HBS1L: variants seen among roughly 807,000 people sequenced by gnomAD.
HBS1L encodes HBS1-like protein.
A neutral mutation model predicts 88.9 loss-of-function variants in HBS1L; 55 were observed. The ratio of observed to expected loss-of-function variants is 0.62; its 90% CI spans 0.50 to 0.77. The LOEUF (loss-of-function observed/expected upper bound fraction) is 0.77. Ranked by LOEUF, HBS1L falls within the 30% of genes least tolerant of loss-of-function variation. HBS1L has a pLI of 0.00. For synonymous variants in HBS1L, 267 were observed against 288.5 expected, an observed-to-expected ratio of 0.93 and a Z score of 0.76; for missense variants, 741 against 829.3, an observed-to-expected ratio of 0.89 and a Z score of 1.31.
In HBS1L at chr6:135,050,604, ATCATCC is replaced by A; in HGVS notation, c.81_86del (p.Glu27_Asp28del). The A allele has an allele frequency of 6.3e-7, 1 of 1,596,224 alleles. No homozygotes were observed. Among genetic ancestry groups the A allele is most frequent in the East Asian group, 2.2e-5 (1 of 44,684 alleles). ...CACCTGTTGACGGCGAAATACAATAATCATCCTCTACAGACTGGCCGTAGAGATCAT... is the reference window on the plus strand; with the variant it reads ...CACCTGTTGACGGCGAAATACAATAATCTACAGACTGGCCGTAGAGATCAT... On this transcript the variant is annotated inframe_deletion, in exon 2 of 18. Coordinates refer to ENST00000367837, the MANE Select transcript of HBS1L (RefSeq NM_006620.4).
chr6:135,041,656 C>T (rs966284151), intron 3 of HBS1L, among the ~76,000 whole-genome samples: 1 of 152,038 alleles, frequency 6.6e-6, no homozygotes, highest in African/African-American at 2.4e-5. Context: ...TTTATGTATT[C>T]TAATCATAAG....
At chr6:135,047,695 C>G (rs1010016907) in intron 2 of HBS1L, among the ~76,000 whole-genome samples, 4 of 152,188 alleles carry the variant, frequency 2.6e-5, no homozygotes, top group Admixed American at 1.3e-4. Context: ...CACCCATATA[C>G]CACCTTTAAT....
At position 134,965,163 on chromosome 6, in the gene HBS1L, T is replaced by C. The variant is rs938712926; in HGVS notation, c.*116A>G. On this transcript the variant is annotated 3_prime_UTR_variant, in exon 18 of 18. Transcript: ENST00000367837. ...CAGCTAATTTTAGCTTTAATTTTTC[T>C]CTCTCATCTAAAAACATATCAATTG... The C allele has an allele frequency of 7.2e-5, 63 of 872,818 alleles. No individual in the cohort carries two copies. The highest frequency in any genetic ancestry group is 2.2e-4 in the Middle Eastern group (1 of 4,496). The allele number at this position is 872,818 out of a possible 1,614,324, so 54.1% of individuals were successfully genotyped here.
At chr6:134,975,483 C>T (rs1206651527) in intron 15 of HBS1L, among the ~76,000 whole-genome samples, 1 of 152,114 alleles carries the variant, frequency 6.6e-6, no homozygotes, top group African/African-American at 2.4e-5. Context: ...AATCTGGAGG[C>T]ATCACACTAC....
At chr6:134,977,030 C>A (rs1317422868) in intron 15 of HBS1L, among the ~76,000 whole-genome samples, 1 of 151,922 alleles carries the variant, frequency 6.6e-6, no homozygotes, top group Non-Finnish European at 1.5e-5. Context: ...TGGCATTAGT[C>A]CCTAAACAGT....
At chr6:135,010,011 T>C (rs1775730480) in intron 4 of HBS1L, among the ~76,000 whole-genome samples, 1 of 152,288 alleles carries the variant, frequency 6.6e-6, no homozygotes, top group African/African-American at 2.4e-5. Context: ...AGAAAAACCA[T>C]AGAAATTTAT....
At position 135,037,901 on chromosome 6, in the gene HBS1L, A is replaced by T. The variant is rs1157621681; in HGVS notation, c.430+1672T>A. 2.6e-6 allele frequency: 4 copies of T among 1,551,292 alleles called. No homozygotes were observed. The South Asian group carries it at 4.8e-5, about 18-fold the overall frequency. ...GTTGGAACTGAAGAATTATGAGATA[A>T]TCCGTATTTTCCTACTGAGCTAGCA... On this transcript the variant is annotated intron_variant, in intron 4 of 17. Coordinates refer to ENST00000367837, the MANE Select transcript of HBS1L (RefSeq NM_006620.4).
intron 4 of HBS1L, among the ~76,000 whole-genome samples, chr6:135,031,904 T>C (rs1215568844): frequency 6.6e-6 from 1 of 150,838 alleles, no homozygotes; most frequent in Non-Finnish European, 1.5e-5. Context: ...TGGACTCAAG[T>C]GATAATCCCC....
intron 4 of HBS1L, among the ~76,000 whole-genome samples, chr6:135,003,633 C>A (rs1775528083): frequency 6.6e-6 from 1 of 150,720 alleles, no homozygotes; most frequent in Non-Finnish European, 1.5e-5. Flanking sequence ...TTTGGGAAGC[C>A]AAGGAAGGTG....
At chr6:135,040,344 C>CCTTTTTTTTTTTTTTTTTTT (rs1365916364) in intron 3 of HBS1L, among the ~76,000 whole-genome samples, 2 of 110,064 alleles carry the variant, frequency 1.8e-5, no homozygotes, top group African/African-American at 7.1e-5. Flanking sequence ...GATAGGCATT[C>CCTTTTTTTTTTTTTTTTTTT]TTTTTTTTTT....
chr6:134,969,453 G>A (rs1774419021), intron 15 of HBS1L, 115 bp from the exon 16 acceptor site: 1 of 685,066 alleles, frequency 1.5e-6, no homozygotes, highest in African/African-American at 1.8e-5. Flanking sequence ...AGTCTTTCAG[G>A]ATCTCCAGTT....
chr6:134,994,357 T>A (rs1193120228), intron 7 of HBS1L, among the ~76,000 whole-genome samples: 1 of 152,106 alleles, frequency 6.6e-6, no homozygotes. Flanking sequence ...ACATAAGATA[T>A]CAAAGCAGAT....
intron 15 of HBS1L, among the ~76,000 whole-genome samples, chr6:134,971,264 G>A (rs544363110): frequency 7.2e-5 from 11 of 152,274 alleles, no homozygotes; most frequent in African/African-American, 2.2e-4. Flanking sequence ...ATGGTAAAGT[G>A]GTGAGAAACA....
At chr6:135,039,812 T>C in intron 3 of HBS1L, 45 bp from the exon 4 acceptor site, 1 of 1,473,424 alleles carries the variant, frequency 6.8e-7, no homozygotes, top group South Asian at 1.3e-5. Flanking sequence ...AATGGTGCAA[T>C]GAAAGAACTT....
intron 4 of HBS1L, among the ~76,000 whole-genome samples, chr6:135,009,084 T>A (rs975361064): frequency 6.6e-6 from 1 of 152,206 alleles, no homozygotes; most frequent in African/African-American, 2.4e-5. Flanking sequence ...CACTCTCATA[T>A]GCTCTTCAGC....
chr6:134,981,511 G>A (rs570661472), intron 13 of HBS1L, among the ~76,000 whole-genome samples: 37 of 151,888 alleles, frequency 2.4e-4, no homozygotes, highest in Middle Eastern at 6.8e-3. Context: ...CTTTTAAAGA[G>A]AGCATATGAA....
At chr6:134,999,494 C>A (rs1326311300) in intron 5 of HBS1L, among the ~76,000 whole-genome samples, 1 of 139,988 alleles carries the variant, frequency 7.1e-6, no homozygotes, top group Non-Finnish European at 1.5e-5. Context: ...ATCACCCAGG[C>A]TGGAGTGCAA....
At chr6:134,995,829 C>T (rs895383266) in intron 7 of HBS1L, among the ~76,000 whole-genome samples, 2 of 151,884 alleles carry the variant, frequency 1.3e-5, no homozygotes, top group Non-Finnish European at 2.9e-5. Context: ...ACTAAAGACA[C>T]CCACAAAGAA....
intron 1 of HBS1L, among the ~76,000 whole-genome samples, chr6:135,051,778 A>C (rs1289786232): frequency 1.3e-5 from 2 of 152,258 alleles, no homozygotes; most frequent in Non-Finnish European, 2.9e-5. Context: ...ACTAATTACA[A>C]CTAAAAACCC....
Sources: gnomAD v4.1 joint callset for allele counts (sites outside exome capture counted in the v4.1 genomes callset) on GRCh38, gnomAD v4.1.1 for gene constraint, MANE v1.5 for transcripts, NCBI Gene and HGNC (gene_info 2026-07-23, HGNC 2026-07-21) for gene names.